Variants in GALNT18 observed in about 807,000 individuals in gnomAD.
GALNT18 encodes the protein polypeptide N-acetylgalactosaminyltransferase 18.
Under a neutral mutation model 69.5 loss-of-function variants are expected in GALNT18, and 44 were observed. The observed-to-expected ratio is 0.63, with a 90% CI of 0.50 to 0.81. The LOEUF (loss-of-function observed/expected upper bound fraction) is 0.81, where lower values mean the gene tolerates loss of function less well. GALNT18 is among the 40% of genes least tolerant of loss of function. The pLI is 0.00. For synonymous variants in GALNT18, 364 were observed against 318.2 expected (o/e 1.14, Z -1.53); for missense variants, 715 against 810.0 (o/e 0.88, Z 1.42).
chr11:11,472,033 G>A (rs1368432218), intron 1 of GALNT18, among the ~76,000 whole-genome samples: 2 of 152,216 alleles, frequency 1.3e-5, no homozygotes, highest in Non-Finnish European at 2.9e-5. Flanking sequence ...AACAATTTGG[G>A]TTTTATTTAG....
chr11:11,474,345 G>A (rs950111860), intron 1 of GALNT18, among the ~76,000 whole-genome samples: 1 of 152,208 alleles, frequency 6.6e-6, no homozygotes, highest in Admixed American at 6.5e-5. Context: ...AAAATGGCAC[G>A]AGTGTGATTG....
In GALNT18 at chr11:11,591,569, C is replaced by T. The variant is rs952697257; in HGVS notation, c.235+29790G>A. 2.0e-5 allele frequency among the ~76,000 whole-genome samples: 3 copies of T among 151,072 alleles called. No homozygotes were observed. The highest frequency in any genetic ancestry group is 7.4e-5 in the African/African-American group (3 of 40,570). ...TTCTCTTCCTACTTTACATCTCCAA[C>T]TACAGTCATTCTGCCCACAAGGAAA... On this transcript the variant is annotated intron_variant, in intron 1 of 10. Transcript: ENST00000227756. The surrounding 1 kb of genome is among the most constrained non-coding windows in gnomAD (Gnocchi z 4.8).
chr11:11,334,086 C>G (rs1422436611), intron 7 of GALNT18, among the ~76,000 whole-genome samples: 2 of 152,110 alleles, frequency 1.3e-5, no homozygotes, highest in East Asian at 1.9e-4. Flanking sequence ...TCCATATGCT[C>G]TCTTTGTGAA....
Position 11,596,953 on chromosome 11 carries a change from T to C in GALNT18, c.235+24406A>G, listed in dbSNP as rs890938580. 1.3e-5 allele frequency among the ~76,000 whole-genome samples: 2 copies of C among 152,182 alleles called. No homozygotes were observed. Among genetic ancestry groups the C allele is most frequent in the Admixed American group, 1.3e-4 (2 of 15,272 alleles). On this transcript the variant is annotated intron_variant, in intron 1 of 10. Coordinates refer to ENST00000227756, the MANE Select transcript of GALNT18 (RefSeq NM_198516.3). This position sits in a 1 kb window ranked among gnomAD's most constrained non-coding sequence, Gnocchi z 4.2. ...GTTGTGGGATTTTTTGTAGATGTTC[T>C]TCATCAGGTTGTTGAAATTATCTTC...
At chr11:11,467,806 A>G (rs905645277) in intron 1 of GALNT18, among the ~76,000 whole-genome samples, 1 of 152,062 alleles carries the variant, frequency 6.6e-6, no homozygotes. Context: ...TGTTTTCTCA[A>G]CTCTCCAGGT....
chr11:11,499,185 G>T (rs1856926703), intron 1 of GALNT18, among the ~76,000 whole-genome samples: 2 of 152,094 alleles, frequency 1.3e-5, no homozygotes. Flanking sequence ...CACTTATGAC[G>T]GTCAACATTT....
At chr11:11,462,224 C>A (rs181348953) in intron 1 of GALNT18, among the ~76,000 whole-genome samples, 2 of 152,132 alleles carry the variant, frequency 1.3e-5, no homozygotes, top group Admixed American at 1.3e-4. Context: ...GAGGAACTTC[C>A]TAGTCTTGGC....
rs1855308636 is a variant in GALNT18, at chr11:11,432,924, C to A, written c.429-137G>T. 2.7e-6 allele frequency: 2 copies of A among 736,224 alleles called. No homozygotes were observed. The highest frequency in any genetic ancestry group is 1.8e-5 in the African/African-American group (1 of 56,362). The allele number at this position is 736,224 out of a possible 1,614,324, so 45.6% of individuals were successfully genotyped here. A position where few individuals can be genotyped will look rare whatever the true frequency, so the allele number is the denominator to read the frequency against. On this transcript the variant is annotated intron_variant, in intron 2 of 10. Coordinates refer to ENST00000227756, the MANE Select transcript of GALNT18 (RefSeq NM_198516.3). The surrounding 1 kb of genome is among the most constrained non-coding windows in gnomAD (Gnocchi z 5.8). ...TCTTCCAAGGGCCCCTTCTTTGATG[C>A]ACTTAAGATGAGCCCTAAATGTCCA...
intron 1 of GALNT18, among the ~76,000 whole-genome samples, chr11:11,554,468 T>A (rs777309131): frequency 1.5e-4 from 23 of 150,912 alleles, no homozygotes; most frequent in Non-Finnish European, 2.8e-4. Context: ...TGTCAGCAAG[T>A]GTTACTTGAA....
At chr11:11,569,769 A>T (rs1225744118) in intron 1 of GALNT18, among the ~76,000 whole-genome samples, 1 of 152,058 alleles carries the variant, frequency 6.6e-6, no homozygotes, top group Non-Finnish European at 1.5e-5. Flanking sequence ...CCTACGTCCA[A>T]GTTGCTGGTA....
Position 11,351,457 on chromosome 11 carries a change from C to G in GALNT18, c.1093-10453G>C, listed in dbSNP as rs542723424. The stretch of plus-strand genomic sequence containing the variant: ...GGCCAGGGCTGCAGCCAGACTCTTC[C>G]AACCCTTGTAAGGGGACACAAAATC... On this transcript the variant is annotated intron_variant, in intron 6 of 10. Coordinates refer to ENST00000227756, the MANE Select transcript of GALNT18 (RefSeq NM_198516.3). Among the ~76,000 whole-genome samples, 281 of 152,314 alleles carry G rather than the reference C, an allele frequency of 1.8e-3. 2 individuals are homozygous for G. The highest frequency in any genetic ancestry group is 2.7e-3 in the Non-Finnish European group (181 of 68,030).
At chr11:11,539,284 C>A (rs1490805568) in intron 1 of GALNT18, among the ~76,000 whole-genome samples, 3 of 151,748 alleles carry the variant, frequency 2.0e-5, no homozygotes, top group Non-Finnish European at 2.9e-5. Context: ...AGCCACACTG[C>A]CTCCCCCACA....
At chr11:11,498,982 AT>A (rs989866939) in intron 1 of GALNT18, among the ~76,000 whole-genome samples, 16 of 152,222 alleles carry the variant, frequency 1.1e-4, no homozygotes, top group Non-Finnish European at 2.2e-4. Context: ...CATAAATAAT[AT>A]TTCACAAAAA....
chr11:11,363,957 A>G (rs1247749998), intron 6 of GALNT18, among the ~76,000 whole-genome samples: 1 of 150,894 alleles, frequency 6.6e-6, no homozygotes, highest in Non-Finnish European at 1.5e-5. Flanking sequence ...TGGAAAATTT[A>G]CAAGTCAATA....
chr11:11,346,662 T>G (rs1312320015), intron 6 of GALNT18, among the ~76,000 whole-genome samples: 1 of 152,172 alleles, frequency 6.6e-6, no homozygotes, highest in Non-Finnish European at 1.5e-5. Flanking sequence ...TGCTCAGATA[T>G]GCCTACAGAG....
Position 11,314,938 on chromosome 11 carries a change from C to T in GALNT18, c.1512+12148G>A, listed in dbSNP as rs75123872. 0.015 allele frequency among the ~76,000 whole-genome samples: 2,334 copies of T among 152,198 alleles called. 56 individuals are homozygous for T. The highest frequency in any genetic ancestry group is 0.045 in the African/African-American group (1,856 of 41,496). ...GTGGTGGGGCCTAGGGATATCTTTACATGTTTGAGCCAAATGAGGATAAGC... is the reference window on the plus strand; with the variant it reads ...GTGGTGGGGCCTAGGGATATCTTTATATGTTTGAGCCAAATGAGGATAAGC... On this transcript the variant is annotated intron_variant, in intron 9 of 10. Transcript: ENST00000227756. The surrounding 1 kb of genome is among the most constrained non-coding windows in gnomAD (Gnocchi z 5.2).
At chr11:11,485,505 G>A (rs572965270) in intron 1 of GALNT18, among the ~76,000 whole-genome samples, 1 of 152,170 alleles carries the variant, frequency 6.6e-6, no homozygotes, top group Non-Finnish European at 1.5e-5. Context: ...CCACCTCCAA[G>A]AACTTTTTGC....
At position 11,585,952 on chromosome 11, in the gene GALNT18, G is replaced by A. The variant is rs1269414116; in HGVS notation, c.235+35407C>T. On this transcript the variant is annotated intron_variant, in intron 1 of 10. Coordinates refer to ENST00000227756, the MANE Select transcript of GALNT18 (RefSeq NM_198516.3). ...GGGAGGTGATTTGGTCATGAGGGTA[G>A]AGCCCTCATGGGTGGGATTTGTATC... 2.0e-5 allele frequency among the ~76,000 whole-genome samples: 3 copies of A among 152,038 alleles called. No homozygotes were observed. In the East Asian group the frequency reaches 5.8e-4, roughly 29 times the overall value.
intron 3 of GALNT18, among the ~76,000 whole-genome samples, chr11:11,398,820 TAA>T (rs1192708939): frequency 2.0e-5 from 3 of 152,292 alleles, no homozygotes; most frequent in African/African-American, 7.2e-5. Context: ...CAAGATTTCT[TAA>T]GAGTGGAAGA....
Sources: allele counts gnomAD v4.1 joint callset (sites outside exome capture counted in the v4.1 genomes callset), GRCh38; gene constraint gnomAD v4.1.1; non-coding constraint Gnocchi (gnomAD v3.1); transcripts MANE v1.5; gene names NCBI Gene and HGNC (gene_info 2026-07-23, HGNC 2026-07-21).